GNL3L: variants seen among roughly 807,000 people sequenced by gnomAD.
The protein encoded by GNL3L is guanine nucleotide-binding protein-like 3-like protein.
GNL3L carries 4 observed loss-of-function variants against 42.9 expected under a neutral mutation model. The observed-to-expected ratio is 0.09, with a 90% confidence interval of 0.05 to 0.21. The LOEUF (loss-of-function observed/expected upper bound fraction) is 0.21, where lower values mean the gene tolerates loss of function less well. GNL3L is among the 10% of genes least tolerant of loss of function. The pLI is 1.00. For missense variants in GNL3L, 412 were observed against 481.7 expected, an observed-to-expected ratio of 0.86 and a Z score of 1.36; for synonymous variants, 159 against 176.3, an observed-to-expected ratio of 0.90 and a Z score of 0.78.
At chrX:54,600,639 C>T (rs1488407676) in intron 16 of GNL3L, among the ~76,000 whole-genome samples, 1 of 110,701 alleles carries the variant, frequency 9.0e-6, no homozygotes, top group African/African-American at 3.3e-5. Context: ...ACTTGGCCTT[C>T]GTTGACACCC....
intron 2 of GNL3L, among the ~76,000 whole-genome samples, chrX:54,536,015 C>T (rs1924412326): frequency 9.1e-6 from 1 of 110,430 alleles, no homozygotes; most frequent in Non-Finnish European, 1.9e-5. Flanking sequence ...GCAACCTCCA[C>T]CTCCTGGGTT....
downstream of GNL3L, among the ~76,000 whole-genome samples, chrX:54,567,956 T>C (rs1925482155): frequency 9.3e-6 from 1 of 107,859 alleles, no homozygotes; most frequent in Admixed American, 9.9e-5. Context: ...CACTTTGTCA[T>C]GATGTATTAT....
In GNL3L at chrX:54,554,637, A is replaced by G. The variant is rs143636315; in HGVS notation, c.1391A>G (p.His464Arg). ...CTTGAAATGGAGATCAAGTTGCTCC[A>G]TTCTCCGATGACGAAAATAGCAGAT... The part of the protein sequence containing the change: ...DPLEMEIKLL[H>R]SPMTKIADAI... The change falls in exon 14 of 16, where the codon CAT (histidine) becomes CGT (arginine). Residue 464 changes from histidine (H) to arginine (R), a missense_variant. Coordinates refer to ENST00000360845, the MANE Select transcript of GNL3L (RefSeq NM_001184819.2). 4 of 1,202,470 alleles carry G rather than the reference A, an allele frequency of 3.3e-6. No individual in the cohort carries two copies. In the African/African-American group the frequency reaches 5.3e-5, roughly 16 times the overall value.
chrX:54,608,731 C>T (rs1416437478), intron 16 of GNL3L, among the ~76,000 whole-genome samples: 2 of 112,044 alleles, frequency 1.8e-5, no homozygotes, highest in Non-Finnish European at 3.8e-5. Context: ...ATACATATAC[C>T]ACAGTTTCTT....
intron 2 of GNL3L, among the ~76,000 whole-genome samples, chrX:54,536,293 T>TCTTG (rs1218358384): frequency 9.2e-6 from 1 of 108,141 alleles, no homozygotes; most frequent in Non-Finnish European, 1.9e-5. Flanking sequence ...GCCAGGCTGG[T>TCTTG]CTTGAACTTC....
chrX:54,639,749 T>G, the GNL3L span, among the ~76,000 whole-genome samples: 7 of 111,758 alleles, frequency 6.3e-5, no homozygotes, highest in South Asian at 1.1e-3. Context: ...GTGCGCCAAT[T>G]GTCCAGTGGT....
intron 16 of GNL3L, among the ~76,000 whole-genome samples, chrX:54,608,639 G>A (rs5961101): frequency 0.13 from 13,921 of 111,199 alleles, 1,333 homozygotes; most frequent in African/African-American, 0.33. Flanking sequence ...CTCACTTAGA[G>A]TAATAGTCTC....
chrX:54,558,939 G>C (rs1016497358), intron 15 of GNL3L, among the ~76,000 whole-genome samples: 1 of 112,013 alleles, frequency 8.9e-6, no homozygotes, highest in Non-Finnish European at 1.9e-5. Flanking sequence ...TTACAGATGT[G>C]AGCCACTGCA....
rs757216762 is a variant in GNL3L, at chrX:54,583,201, A to T, written c.*45+22554A>T. 3.6e-5 allele frequency among the ~76,000 whole-genome samples: 4 copies of T among 109,855 alleles called. No individual in the cohort carries two copies. The East Asian group carries it at 1.1e-3, about 31-fold the overall frequency. ...ATTTATTTATTTATTTTATTTATTT[A>T]TTTTTTTTGAGACAGAGTTTTACTC... is the stretch of plus-strand genomic sequence containing the variant. On this transcript the variant is annotated intron_variant, in intron 16 of 16. Coordinates refer to the GNL3L transcript ENST00000674498.
At chrX:54,584,387 G>C (rs751257345) in intron 16 of GNL3L, among the ~76,000 whole-genome samples, 1 of 111,107 alleles carries the variant, frequency 9.0e-6, no homozygotes, top group East Asian at 2.8e-4. Flanking sequence ...TATATATGTG[G>C]TACATGTAAT....
chrX:54,588,426 A>C (rs1408709988), intron 16 of GNL3L, among the ~76,000 whole-genome samples: 1 of 112,568 alleles, frequency 8.9e-6, no homozygotes, highest in Non-Finnish European at 1.9e-5. Flanking sequence ...TCTCATTCAT[A>C]GGTATTCAAT....
At chrX:54,544,354 C>T (rs931307837) in intron 8 of GNL3L, 28 bp downstream of exon 8, 51 of 824,655 alleles carry the variant, frequency 6.2e-5, no homozygotes, top group East Asian at 1.3e-4. Context: ...GTCATCTAGC[C>T]GCTTTCAGGG....
chrX:54,561,003 C>G lies in GNL3L; in HGVS notation c.*401C>G, dbSNP rs1450150562. The G allele has an allele frequency of 9.6e-6, 1 of 104,435 alleles. No homozygotes were observed. Among genetic ancestry groups the G allele is most frequent in the African/African-American group, 3.7e-5 (1 of 27,149 alleles). 8.6% of individuals were successfully genotyped at this position (104,435 alleles called of 1,213,427 possible). On this transcript the variant is annotated 3_prime_UTR_variant, in exon 16 of 16. Transcript: ENST00000360845. ...AGGAGAATCGCCTGAACCTGGGAGG[C>G]AGAGGTTGCAGTGAGCCCAGACGGC...
chrX:54,542,447 A>G (rs1159447048), intron 5 of GNL3L, among the ~76,000 whole-genome samples: 4 of 111,207 alleles, frequency 3.6e-5, no homozygotes, highest in East Asian at 2.8e-4. Flanking sequence ...TTATGGCTGC[A>G]TAGTATTCCA....
At chrX:54,567,303 A>AT (rs762966412), downstream of GNL3L, among the ~76,000 whole-genome samples, 993 of 103,679 alleles carry the variant, frequency 9.6e-3, 3 homozygotes, top group South Asian at 0.017. Flanking sequence ...ATATGTCTGC[A>AT]TTTTTTTTTT....
At chrX:54,618,741 TAA>T (rs1926252167) in intron 16 of GNL3L, among the ~76,000 whole-genome samples, 3 of 110,428 alleles carry the variant, frequency 2.7e-5, no homozygotes, top group African/African-American at 9.9e-5. Context: ...CAAAAAAATT[TAA>T]AAAAATTGCC....
chrX:54,566,782 T>G lies in GNL3L; in HGVS notation c.*6180T>G, dbSNP rs1569542282. The stretch of plus-strand genomic sequence containing the variant: ...TTATGAATATGGGTATGGAGATCTC[T>G]CCCCTTATTTTGAGACAGGATCTCA... On this transcript the variant is annotated 3_prime_UTR_variant, in exon 16 of 16. Coordinates refer to ENST00000360845, the MANE Select transcript of GNL3L (RefSeq NM_001184819.2). Among the ~76,000 whole-genome samples, 1 of 111,595 alleles carries G rather than the reference T, an allele frequency of 9.0e-6. No homozygotes were observed. Among genetic ancestry groups the G allele is most frequent in the African/African-American group, 3.3e-5 (1 of 30,651 alleles).
rs1282096567 is a variant in GNL3L, at chrX:54,539,080, G to T, written c.60G>T (p.Lys20Asn). The change falls in exon 3 of 16, where the codon AAG becomes AAT. Residue 20 changes from lysine (K) to asparagine (N), a missense_variant. Transcript: ENST00000360845. ...KPGEGSKGHK[K>N]ISWPYPQPAK... ...GTGAAGGTTCCAAGGGCCACAAGAA[G>T]ATAAGTTGGCCCTACCCTCAGGTAA... The T allele has an allele frequency of 8.7e-7, 1 of 1,145,148 alleles. No individual in the cohort carries two copies. Among genetic ancestry groups the T allele is most frequent in the East Asian group, 3.0e-5 (1 of 33,529 alleles). The allele number at this position is 1,145,148 out of a possible 1,213,427, so 94.4% of individuals were successfully genotyped here.
the GNL3L span, among the ~76,000 whole-genome samples, chrX:54,639,315 G>A: frequency 9.0e-6 from 1 of 111,431 alleles, no homozygotes; most frequent in Non-Finnish European, 1.9e-5. Context: ...TTTGAATAGG[G>A]TTACTAAGCC....
Sources: gnomAD v4.1 joint callset for allele counts (sites outside exome capture counted in the v4.1 genomes callset) on GRCh38, gnomAD v4.1.1 for gene constraint, MANE v1.5 for transcripts, NCBI Gene and HGNC (gene_info 2026-07-23, HGNC 2026-07-21) for gene names.